The following PRKCZ variants were observed in gnomAD, a reference collection of about 807,000 sequenced individuals.
The protein encoded by PRKCZ is protein kinase C zeta type.
A neutral mutation model predicts 79.5 loss-of-function variants in PRKCZ; 33 were observed. The ratio of observed to expected loss-of-function variants is 0.41; its 90% CI spans 0.31 to 0.55. PRKCZ has a LOEUF of 0.55. Among genes scored for constraint, PRKCZ ranks in the 20% least tolerant of loss-of-function variants. The probability of loss-of-function intolerance (pLI) is 0.19; values close to 1 mark genes in which losing one functional copy is unlikely to be tolerated. For synonymous variants in PRKCZ, 342 were observed against 320.9 expected (o/e 1.07, Z -0.70); for missense variants, 578 against 813.5 (o/e 0.71, Z 3.52).
intron 17 of PRKCZ, 57 bp from the exon 18 acceptor site, chr1:2,184,865 C>G: frequency 6.7e-7 from 1 of 1,498,690 alleles, no homozygotes; most frequent in East Asian, 2.3e-5. Flanking sequence ...GACTCCGCTT[C>G]CCCCAAGGGA....
At chr1:2,058,732 CT>C (rs1409490963) in intron 3 of PRKCZ, among the ~76,000 whole-genome samples, 4 of 151,420 alleles carry the variant, frequency 2.6e-5, no homozygotes, top group Non-Finnish European at 4.4e-5. Flanking sequence ...CCCATCTCTA[CT>C]ATAAATACAA....
chr1:2,057,487 T>A (rs916501834), intron 3 of PRKCZ, among the ~76,000 whole-genome samples: 1 of 152,242 alleles, frequency 6.6e-6, no homozygotes, highest in African/African-American at 2.4e-5. Flanking sequence ...CATGGATTTC[T>A]GACAGATCCA....
rs528031998 is a variant in PRKCZ, at chr1:2,094,046, A to T, written c.334+34455A>T. Among the ~76,000 whole-genome samples the T allele has an allele frequency of 1.8e-3, 279 of 152,228 alleles. No homozygotes were observed. The highest frequency in any genetic ancestry group is 3.1e-3 in the Non-Finnish European group (209 of 67,994). ...GCACGTCCACAGCACCTGCCAGCCC[A>T]CTTTGGGTGACCCTCCTGTTTGTCC... On this transcript the variant is annotated intron_variant, in intron 4 of 17. Coordinates refer to ENST00000378567, the MANE Select transcript of PRKCZ (RefSeq NM_002744.6). The surrounding 1 kb of genome is among the most constrained non-coding windows in gnomAD (Gnocchi z 7.3).
At chr1:2,137,432 G>A (rs1208470425) in intron 5 of PRKCZ, among the ~76,000 whole-genome samples, 1 of 152,120 alleles carries the variant, frequency 6.6e-6, no homozygotes, top group East Asian at 1.9e-4. Context: ...AGTTCTCTAG[G>A]CATCCTTCAA....
chr1:2,185,117 C>A lies in PRKCZ; in HGVS notation c.*108C>A. 1 of 1,099,400 alleles carries A rather than the reference C, an allele frequency of 9.1e-7. No homozygotes were observed. The highest frequency in any genetic ancestry group is 1.4e-5 in the South Asian group (1 of 71,078). 68.1% of individuals were successfully genotyped at this position (1,099,400 alleles called of 1,614,324 possible). ...GCACGGCTCCGAGGGCGGCCAGGGA[C>A]AGACGCTTGCGCCGAGACCGCAGAG... is the stretch of plus-strand genomic sequence containing the variant. On this transcript the variant is annotated 3_prime_UTR_variant, in exon 18 of 18. Coordinates refer to ENST00000378567, the MANE Select transcript of PRKCZ (RefSeq NM_002744.6).
chr1:2,158,431 C>T (rs1387560977), intron 10 of PRKCZ, among the ~76,000 whole-genome samples: 5 of 152,240 alleles, frequency 3.3e-5, no homozygotes, highest in African/African-American at 4.8e-5. Flanking sequence ...CGCCCTCGCC[C>T]GCACCGCCTG....
intron 4 of PRKCZ, among the ~76,000 whole-genome samples, chr1:2,070,279 T>C (rs1430623232): frequency 6.6e-6 from 1 of 152,084 alleles, no homozygotes; most frequent in Non-Finnish European, 1.5e-5. Context: ...ATTCTGCCCG[T>C]AGCAGGCAGC....
intron 4 of PRKCZ, among the ~76,000 whole-genome samples, chr1:2,109,040 C>G (rs1456241157): frequency 6.6e-6 from 1 of 152,216 alleles, no homozygotes; most frequent in Non-Finnish European, 1.5e-5. Context: ...CAGCCGCCCC[C>G]CCATCCCTCT....
chr1:2,117,998 C>CT (rs1553152756), intron 4 of PRKCZ, among the ~76,000 whole-genome samples: 15 of 65,092 alleles, frequency 2.3e-4, no homozygotes, highest in African/African-American at 6.8e-4. Flanking sequence ...CCTATTATTT[C>CT]TTTTTTTTTT....
chr1:2,060,820 G>A (rs559800368), intron 4 of PRKCZ, among the ~76,000 whole-genome samples: 4 of 152,304 alleles, frequency 2.6e-5, no homozygotes, highest in African/African-American at 9.6e-5. Flanking sequence ...GAGGCAGGGG[G>A]CGGGGAGGCT....
chr1:2,164,821 C>T (rs993172953), intron 10 of PRKCZ, among the ~76,000 whole-genome samples: 4 of 152,160 alleles, frequency 2.6e-5, no homozygotes, highest in African/African-American at 7.2e-5. Context: ...TCGCTCCGCC[C>T]TGGCTTTCGT....
chr1:2,115,032 G>A (rs1467218), intron 4 of PRKCZ, among the ~76,000 whole-genome samples: 11,342 of 152,312 alleles, frequency 0.074, 1,429 homozygotes, highest in African/African-American at 0.25. Flanking sequence ...TCCTCTGGAC[G>A]CGGGGCCACC....
intron 3 of PRKCZ, 63 bp from the exon 4 acceptor site, chr1:2,059,478 C>T: frequency 1.3e-6 from 2 of 1,591,720 alleles, no homozygotes; most frequent in South Asian, 1.1e-5. Flanking sequence ...GGGACTTCCT[C>T]CGTGAGACTG....
chr1:2,151,375 C>G (rs262666), intron 9 of PRKCZ, among the ~76,000 whole-genome samples: 8,410 of 152,344 alleles, frequency 0.055, 721 homozygotes, highest in African/African-American at 0.18. Flanking sequence ...ATCGTGGTCT[C>G]TGCAACCTTC....
chr1:2,073,833 G>A lies in PRKCZ; in HGVS notation c.334+14242G>A, dbSNP rs1661880338. On this transcript the variant is annotated intron_variant, in intron 4 of 17. Coordinates refer to ENST00000378567, the MANE Select transcript of PRKCZ (RefSeq NM_002744.6). ...TCGGGGCCGGAGGCGAGCCGACGCA[G>A]CATCAGCTCGTCAACGGGAAGGAAG... 23 of 1,046,232 alleles carry A rather than the reference G, an allele frequency of 2.2e-5. 1 individual carries two copies. The South Asian group carries it at 7.7e-4, about 35-fold the overall frequency. The allele number at this position is 1,046,232 out of a possible 1,614,324, so 64.8% of individuals were successfully genotyped here.
chr1:2,057,435 T>C (rs1279861019), intron 3 of PRKCZ, among the ~76,000 whole-genome samples: 2 of 152,238 alleles, frequency 1.3e-5, no homozygotes, highest in Non-Finnish European at 2.9e-5. Flanking sequence ...CGTCTGGCCA[T>C]GGACGATTGA....
intron 10 of PRKCZ, among the ~76,000 whole-genome samples, chr1:2,159,507 A>T (rs935291637): frequency 6.6e-6 from 1 of 152,222 alleles, no homozygotes; most frequent in African/African-American, 2.4e-5. Flanking sequence ...TCCAGGGGGA[A>T]CCTGGCCGAT....
intron 4 of PRKCZ, among the ~76,000 whole-genome samples, chr1:2,092,579 A>C (rs978948801): frequency 1.3e-5 from 2 of 151,964 alleles, no homozygotes; most frequent in East Asian, 3.9e-4. Context: ...GGTGGACTTG[A>C]AGCTCCGTGG....
Position 2,094,894 on chromosome 1 carries a change from C to G in PRKCZ, c.334+35303C>G, listed in dbSNP as rs188152039. Among the ~76,000 whole-genome samples, 11 of 152,316 alleles carry G rather than the reference C, an allele frequency of 7.2e-5. No homozygotes were observed. Among genetic ancestry groups the G allele is most frequent in the African/African-American group, 2.2e-4 (9 of 41,550 alleles). The stretch of plus-strand genomic sequence containing the variant: ...TTAGAGCCTGGTTTTGGCCCTCTCT[C>G]TCCTGCCTATAAAAAGCCCTGCCCT... On this transcript the variant is annotated intron_variant, in intron 4 of 17. Coordinates refer to ENST00000378567, the MANE Select transcript of PRKCZ (RefSeq NM_002744.6). This position sits in a 1 kb window ranked among gnomAD's most constrained non-coding sequence, Gnocchi z 7.3.
Sources: gnomAD v4.1 joint callset for allele counts (sites outside exome capture counted in the v4.1 genomes callset) on GRCh38, gnomAD v4.1.1 for gene constraint, Gnocchi (gnomAD v3.1) non-coding constraint, MANE v1.5 for transcripts, NCBI Gene and HGNC (gene_info 2026-07-23, HGNC 2026-07-21) for gene names.